Variants in CACNA2D1 observed in about 807,000 individuals in gnomAD.
CACNA2D1 encodes the protein voltage-dependent calcium channel subunit alpha-2/delta-1.
Under a neutral mutation model 171.5 loss-of-function variants are expected in CACNA2D1, and 53 were observed. The observed-to-expected ratio is 0.31, with a 90% CI of 0.25 to 0.39. The LOEUF is 0.39. Ranked by LOEUF, CACNA2D1 falls within the 10% of genes least tolerant of loss-of-function variation. The probability of loss-of-function intolerance (pLI) is 1.00; values close to 1 mark genes in which losing one functional copy is unlikely to be tolerated. For synonymous variants in CACNA2D1, 442 were observed against 443.1 expected, an observed-to-expected ratio of 1.00 and a Z score of 0.03; for missense variants, 903 against 1,299.8, an observed-to-expected ratio of 0.69 and a Z score of 4.69.
At chr7:82,154,819 G>A (rs1794213006) in intron 4 of CACNA2D1, among the ~76,000 whole-genome samples, 1 of 152,044 alleles carries the variant, frequency 6.6e-6, no homozygotes, top group African/African-American at 2.4e-5. Flanking sequence ...ATGATAATGT[G>A]GTATCTATCC....
rs182566382 is a variant in CACNA2D1, at chr7:82,246,048, T to A, written c.295-75439A>T. On this transcript the variant is annotated intron_variant, in intron 3 of 38. Transcript: ENST00000356860. ...AGACCTAAACCTCTGTGTCCAAGTA[T>A]CCTAATAAATTGCTAGGTTTTTTAA... Among the ~76,000 whole-genome samples, 203 of 152,066 alleles carry A rather than the reference T, an allele frequency of 1.3e-3. 3 individuals are homozygous for A. In the East Asian group the frequency reaches 0.017, roughly 13 times the overall value.
rs770671727 is a variant in CACNA2D1, at chr7:82,060,563, A to G, written c.780-36T>C. The G allele has an allele frequency of 1.1e-5, 13 of 1,197,140 alleles. No individual in the cohort carries two copies. The Admixed American group carries it at 1.9e-4, about 17-fold the overall frequency. The allele number at this position is 1,197,140 out of a possible 1,614,324, so 74.2% of individuals were successfully genotyped here. ...ACAAATGGGTCCATACATGTTACTC[A>G]TCATGTATTTAATCAAGAACATCAT... On this transcript the variant is annotated intron_variant, in intron 9 of 38. Transcript: ENST00000356860.
chr7:82,300,184 C>T (rs1399421559), intron 3 of CACNA2D1, among the ~76,000 whole-genome samples: 1 of 150,886 alleles, frequency 6.6e-6, no homozygotes, highest in African/African-American at 2.5e-5. Context: ...AAATAAAGCA[C>T]GAAGTTAGGG....
intron 3 of CACNA2D1, among the ~76,000 whole-genome samples, chr7:82,193,792 G>C (rs1798582147): frequency 6.6e-6 from 1 of 151,976 alleles, no homozygotes; most frequent in Non-Finnish European, 1.5e-5. Flanking sequence ...TATGTTTTGT[G>C]TTTGTCTTGA....
At chr7:81,997,066 A>G (rs751091075) in intron 19 of CACNA2D1, 113 bp downstream of exon 19, 203 of 763,792 alleles carry the variant, frequency 2.7e-4, no homozygotes, top group Non-Finnish European at 4.5e-4. Context: ...CTTTGTGTAT[A>G]CAGTATCAAA....
chr7:82,286,642 C>T (rs549887623), intron 3 of CACNA2D1, among the ~76,000 whole-genome samples: 4 of 152,202 alleles, frequency 2.6e-5, no homozygotes, highest in Non-Finnish European at 5.9e-5. Flanking sequence ...TGATTATTGA[C>T]GTAGCAAAGC....
chr7:82,310,663 A>G (rs996975477), intron 3 of CACNA2D1, among the ~76,000 whole-genome samples: 1 of 152,076 alleles, frequency 6.6e-6, no homozygotes, highest in East Asian at 1.9e-4. Context: ...AGGGGAAGGG[A>G]GAGAGAAACA....
At chr7:82,400,062 T>A (rs565332331) in intron 1 of CACNA2D1, among the ~76,000 whole-genome samples, 1 of 151,506 alleles carries the variant, frequency 6.6e-6, no homozygotes, top group East Asian at 2.0e-4. Flanking sequence ...TTGATCTATA[T>A]CTCTGTTTTG....
intron 12 of CACNA2D1, among the ~76,000 whole-genome samples, chr7:82,019,672 A>G (rs1800950153): frequency 6.6e-6 from 1 of 152,126 alleles, no homozygotes; most frequent in South Asian, 2.1e-4. Flanking sequence ...GGGTCAACCT[A>G]TTTTAAAAAG....
intron 1 of CACNA2D1, among the ~76,000 whole-genome samples, chr7:82,408,319 GCCTTT>G (rs1827282562): frequency 6.6e-6 from 1 of 152,168 alleles, no homozygotes; most frequent in African/African-American, 2.4e-5. Context: ...TCAGTGCCTG[GCCTTT>G]CCTTTTACTT....
chr7:82,335,263 A>C lies in CACNA2D1; in HGVS notation c.178-12T>G, dbSNP rs78151113. 4.5e-6 allele frequency: 6 copies of C among 1,344,248 alleles called. No individual in the cohort carries two copies. The highest frequency in any genetic ancestry group is 6.3e-6 in the Non-Finnish European group (6 of 957,558). The allele number at this position is 1,344,248 out of a possible 1,614,324, so 83.3% of individuals were successfully genotyped here. ...TATTTCTCATAAATCTGTGTGAAAG[A>C]AAAAAAAAACTAGTAAGAACAATAG... On this transcript the variant is annotated splice_polypyrimidine_tract_variant and intron_variant, in intron 2 of 38. Coordinates refer to ENST00000356860, the MANE Select transcript of CACNA2D1 (RefSeq NM_000722.4).
intron 15 of CACNA2D1, among the ~76,000 whole-genome samples, chr7:82,011,884 T>C (rs1440893602): frequency 1.3e-5 from 2 of 152,182 alleles, no homozygotes; most frequent in Non-Finnish European, 2.9e-5. Context: ...GAAATGCCCA[T>C]GTATTCAACA....
chr7:82,006,008 G>T (rs1222770292), intron 16 of CACNA2D1, among the ~76,000 whole-genome samples, 169 bp from the exon 17 acceptor site: 1 of 151,642 alleles, frequency 6.6e-6, no homozygotes, highest in Non-Finnish European at 1.5e-5. Context: ...TCTCAGCTTT[G>T]TTTCCCACAA....
At chr7:82,072,463 A>G (rs1005763458) in intron 7 of CACNA2D1, among the ~76,000 whole-genome samples, 3 of 151,880 alleles carry the variant, frequency 2.0e-5, no homozygotes, top group South Asian at 2.1e-4. Flanking sequence ...TTATTGCTAT[A>G]TAAGACTTCT....
intron 4 of CACNA2D1, among the ~76,000 whole-genome samples, chr7:82,161,764 C>T (rs995671648): frequency 3.3e-5 from 5 of 151,978 alleles, no homozygotes; most frequent in Non-Finnish European, 7.4e-5. Flanking sequence ...AGCATGTCAT[C>T]GGATAAATGA....
intron 25 of CACNA2D1, among the ~76,000 whole-genome samples, chr7:81,973,311 A>G (rs1055759018): frequency 3.9e-5 from 6 of 152,086 alleles, no homozygotes; most frequent in East Asian, 3.9e-4. Context: ...ACTGAGTAGA[A>G]AGGTTTGGAA....
chr7:82,238,714 T>A (rs1803902543), intron 3 of CACNA2D1, among the ~76,000 whole-genome samples: 1 of 152,122 alleles, frequency 6.6e-6, no homozygotes, highest in Non-Finnish European at 1.5e-5. Flanking sequence ...TCTTGGATCT[T>A]GACTTAGACA....
intron 1 of CACNA2D1, among the ~76,000 whole-genome samples, chr7:82,409,283 T>C (rs765401860): frequency 7.2e-5 from 11 of 152,144 alleles, no homozygotes; most frequent in Non-Finnish European, 1.3e-4. Flanking sequence ...GTTAGTACAT[T>C]TTAAAATGTT....
At chr7:82,409,898 T>C (rs943620461) in intron 1 of CACNA2D1, among the ~76,000 whole-genome samples, 1 of 152,328 alleles carries the variant, frequency 6.6e-6, no homozygotes, top group South Asian at 2.1e-4. Flanking sequence ...CTAAGTTGTA[T>C]GGTATAGCCT....
Sources: gnomAD v4.1 joint callset for allele counts (sites outside exome capture counted in the v4.1 genomes callset) on GRCh38, gnomAD v4.1.1 for gene constraint, MANE v1.5 for transcripts, NCBI Gene and HGNC (gene_info 2026-07-23, HGNC 2026-07-21) for gene names.